NEIL1: variants seen among roughly 807,000 people sequenced by gnomAD.
The protein encoded by NEIL1 is nei like DNA glycosylase 1.
Under a neutral mutation model 44.2 loss-of-function variants are expected in NEIL1, and 31 were observed. That is an observed-to-expected ratio of 0.70 (90% CI 0.53 to 0.95). The LOEUF (loss-of-function observed/expected upper bound fraction) is 0.95, where lower values mean the gene tolerates loss of function less well. Ranked by LOEUF, NEIL1 falls within the 40% of genes least tolerant of loss-of-function variation. The probability of loss-of-function intolerance (pLI) is 0.00; values close to 1 mark genes in which losing one functional copy is unlikely to be tolerated. For synonymous variants in NEIL1, 254 were observed against 209.7 expected, an observed-to-expected ratio of 1.21 and a Z score of -1.83; for missense variants, 549 against 515.5, an observed-to-expected ratio of 1.07 and a Z score of -0.63.
At chr15:75,348,680 A>T in intron 1 of NEIL1, 5 of 1,426,526 alleles carry the variant, frequency 3.5e-6, no homozygotes, top group Non-Finnish European at 4.6e-6. Context: ...CTCCCTCTGC[A>T]GCCCCAGCTC....
At chr15:75,351,353 G>A (rs760526659) in intron 2 of NEIL1, 94 of 417,486 alleles carry the variant, frequency 2.3e-4, no homozygotes, top group Middle Eastern at 4.0e-4. Context: ...ACAGCTCATT[G>A]CAGCCTTAAC....
At chr15:75,354,577 G>T in intron 8 of NEIL1, 76 bp from the exon 9 acceptor site, 1 of 1,611,314 alleles carries the variant, frequency 6.2e-7, no homozygotes, top group Non-Finnish European at 8.5e-7. Context: ...CTAAGAGGGC[G>T]GGGGGAGTGG....
intron 1 of NEIL1, chr15:75,347,741 TGAG>T (rs1398046347): frequency 3.0e-6 from 3 of 997,836 alleles, no homozygotes; most frequent in East Asian, 9.0e-5. Flanking sequence ...TGGGGGGCCC[TGAG>T]GAGGAGGGGA....
chr15:75,351,571 CAA>C (rs1386330702), intron 2 of NEIL1, among the ~76,000 whole-genome samples: 1 of 152,062 alleles, frequency 6.6e-6, no homozygotes, highest in African/African-American at 2.4e-5. Context: ...ACACCAGCCT[CAA>C]GTTACTTTAG....
At chr15:75,347,950 C>G (rs1487506006) in intron 1 of NEIL1, 1 of 1,248,812 alleles carries the variant, frequency 8.0e-7, no homozygotes, top group Non-Finnish European at 1.0e-6. Context: ...GTGCCCCCTT[C>G]CACTTAAGGC....
At position 75,349,175 on chromosome 15, in the gene NEIL1, C is replaced by G; in HGVS notation, c.270C>G (p.Arg90=). ...GMSGSFQLVP[R]EELPRHAHLR... is the part of the protein sequence containing the mutation. ...CCGGCTCTTTTCAGCTGGTGCCCCG[C>G]GAGGAGCTGCCACGCCATGCCCACC... The change falls in exon 2 of 10, where the codon CGC becomes CGG. Residue 90 remains arginine, a synonymous_variant. Coordinates refer to ENST00000355059, the MANE Select transcript of NEIL1 (RefSeq NM_024608.4). 6.2e-7 allele frequency: 1 copy of G among 1,609,124 alleles called. No homozygotes were observed. Among genetic ancestry groups the G allele is most frequent in the Non-Finnish European group, 8.5e-7 (1 of 1,179,876 alleles).
chr15:75,348,557 G>C, intron 1 of NEIL1: 1 of 1,194,032 alleles, frequency 8.4e-7, no homozygotes, highest in Non-Finnish European at 1.0e-6. Flanking sequence ...CCGTGAGTGA[G>C]GGGAGCCGGG....
intron 5 of NEIL1, chr15:75,353,131 A>G (rs898533855): frequency 1.7e-5 from 3 of 173,148 alleles, no homozygotes; most frequent in Admixed American, 1.7e-4. Context: ...AACAAGAGCA[A>G]AACTCCATCT....
In NEIL1 at chr15:75,356,989, AC is replaced by A; in HGVS notation, c.*1956del. ...CAGAGCTCCTGTCACTAGGCCGAGCACAAGCTCTAGAACCACACAACTGAAC... is the reference window on the plus strand; with the variant it reads ...CAGAGCTCCTGTCACTAGGCCGAGCAAAGCTCTAGAACCACACAACTGAAC... On this transcript the variant is annotated 3_prime_UTR_variant, in exon 10 of 10. Transcript: ENST00000355059. The surrounding 1 kb of genome is among the most constrained non-coding windows in gnomAD (Gnocchi z 5.8). 1 of 1,101,806 alleles carries A rather than the reference AC, an allele frequency of 9.1e-7. No individual in the cohort carries two copies. Among genetic ancestry groups the A allele is most frequent in the South Asian group, 1.4e-5 (1 of 73,642 alleles). 68.3% of individuals were successfully genotyped at this position (1,101,806 alleles called of 1,614,324 possible).
chr15:75,351,717 G>T (rs147316522), intron 2 of NEIL1, among the ~76,000 whole-genome samples: 8 of 152,254 alleles, frequency 5.3e-5, no homozygotes, highest in African/African-American at 1.9e-4. Flanking sequence ...CACCTCCCAG[G>T]TTCCAGAGAT....
chr15:75,352,467 G>A, intron 4 of NEIL1, 80 bp downstream of exon 4: 1 of 1,572,094 alleles, frequency 6.4e-7, no homozygotes, highest in South Asian at 1.1e-5. Context: ...GTGGGGTCAG[G>A]TGTCCCCAGC....
intron 4 of NEIL1, 97 bp downstream of exon 4, chr15:75,352,484 C>A: frequency 6.4e-7 from 1 of 1,559,966 alleles, no homozygotes; most frequent in South Asian, 1.1e-5. Flanking sequence ...CAGCTTAGCT[C>A]AACAACAGGG....
chr15:75,353,085 T>C lies in NEIL1; in HGVS notation c.718+384T>C, dbSNP rs563687269. 2.1e-4 allele frequency: 42 copies of C among 199,642 alleles called. 1 individual carries two copies. In the South Asian group the frequency reaches 3.3e-3, roughly 16 times the overall value. 12.4% of individuals were successfully genotyped at this position (199,642 alleles called of 1,614,324 possible). A position where few individuals can be genotyped will look rare whatever the true frequency, so the allele number is the denominator to read the frequency against. ...AAACCCAGGAGGTGGAGGTTGCAGT[T>C]GAGCTGAGATCGTGCCATTGCACTC... On this transcript the variant is annotated intron_variant, in intron 5 of 9. Transcript: ENST00000355059.
Position 75,355,861 on chromosome 15 carries a change from G to T in NEIL1, c.*827G>T, listed in dbSNP as rs1455214691. 1 of 1,608,124 alleles carries T rather than the reference G, an allele frequency of 6.2e-7. No homozygotes were observed. Among genetic ancestry groups the T allele is most frequent in the African/African-American group, 1.3e-5 (1 of 74,316 alleles). ...CTTTAGGCTGGGGAAGCAGAAATTA[G>T]GAGTCCCCAGAGCCTTCTACAAACA... On this transcript the variant is annotated 3_prime_UTR_variant, in exon 10 of 10. Transcript: ENST00000355059.
Position 75,355,735 on chromosome 15 carries a change from A to AAATACCAC in NEIL1, c.*701_*702insAATACCAC. 1 of 471,488 alleles carries AAATACCAC rather than the reference A, an allele frequency of 2.1e-6. No homozygotes were observed. 29.2% of individuals were successfully genotyped at this position (471,488 alleles called of 1,614,324 possible). A position where few individuals can be genotyped will look rare whatever the true frequency, so the allele number is the denominator to read the frequency against. ...TACCTGGGAAGCCATCCCACCCCAGACTTCCCACCCCCACCCCAAGCGTGA... is the reference window on the plus strand; with the variant it reads ...TACCTGGGAAGCCATCCCACCCCAGAAATACCACCTTCCCACCCCCACCCCAAGCGTGA... On this transcript the variant is annotated 3_prime_UTR_variant, in exon 10 of 10. Transcript: ENST00000355059.
chr15:75,347,604 CGTTCT>C (rs2071540429), intron 1 of NEIL1, 131 bp downstream of exon 1: 1 of 171,744 alleles, frequency 5.8e-6, no homozygotes, highest in African/African-American at 2.4e-5. Flanking sequence ...GGGCACCGCC[CGTTCT>C]GGCGTTAACC....
rs1168450777 is a variant in NEIL1 at position 75,354,986 on chromosome 15, C to G, written c.1125C>G (p.Val375=). Residue 375 remains valine, a synonymous_variant, in exon 10 of 10, where the codon GTC becomes GTG. Transcript: ENST00000355059. ...CAGGCCACTGCAGACCCCGGAAGGT[C>G]AAGGCTGACATCCCATCCTTGGAAC... The part of the protein sequence containing the change: ...AASGHCRPRK[V]KADIPSLEPE... 6.2e-7 allele frequency: 1 copy of G among 1,614,122 alleles called. No homozygotes were observed. Among genetic ancestry groups the G allele is most frequent in the Admixed American group, 1.7e-5 (1 of 60,018 alleles).
intron 4 of NEIL1, 31 bp from the exon 5 acceptor site, chr15:75,352,571 C>A (rs1184344892): frequency 1.2e-6 from 2 of 1,600,254 alleles, no homozygotes; most frequent in Non-Finnish European, 1.7e-6. Context: ...GCCCTGCTGA[C>A]AGACAGGTCC....
Position 75,356,386 on chromosome 15 carries a change from A to AGC in NEIL1, c.*1353_*1354insCG. 1 of 1,611,594 alleles carries AGC rather than the reference A, an allele frequency of 6.2e-7. No homozygotes were observed. Among genetic ancestry groups the AGC allele is most frequent in the East Asian group, 2.2e-5 (1 of 44,828 alleles). On this transcript the variant is annotated 3_prime_UTR_variant, in exon 10 of 10. Transcript: ENST00000355059. This position sits in a 1 kb window ranked among gnomAD's most constrained non-coding sequence, Gnocchi z 5.8. ...GGCGGGCGCTGGGCTGGGGGCTGGC[A>AGC]GAGCCAACAGGGGGAAGTTTAGGCT...
Sources: allele counts gnomAD v4.1 joint callset (sites outside exome capture counted in the v4.1 genomes callset), GRCh38; gene constraint gnomAD v4.1.1; non-coding constraint Gnocchi (gnomAD v3.1); transcripts MANE v1.5; gene names NCBI Gene and HGNC (gene_info 2026-07-23, HGNC 2026-07-21).